The following DPYSL4 variants were observed in gnomAD, a reference collection of about 807,000 sequenced individuals.
The protein encoded by DPYSL4 is dihydropyrimidinase like 4.
A neutral mutation model predicts 63.4 loss-of-function variants in DPYSL4; 43 were observed. That is an observed-to-expected ratio of 0.68 (90% CI 0.53 to 0.88). DPYSL4 has a LOEUF of 0.88. DPYSL4 is among the 40% of genes least tolerant of loss of function. DPYSL4 has a pLI of 0.00. For missense variants in DPYSL4, 733 were observed against 819.5 expected (o/e 0.89, Z 1.29); for synonymous variants, 353 against 331.7 (o/e 1.06, Z -0.70).
intron 10 of DPYSL4, 140 bp from the exon 11 acceptor site, chr10:132,201,806 G>A: frequency 1.1e-6 from 1 of 903,150 alleles, no homozygotes; most frequent in Non-Finnish European, 1.6e-6. Context: ...GGGGGGCCTG[G>A]TGGTCCAGCG....
Position 132,197,991 on chromosome 10 carries a change from G to T in DPYSL4, c.622-424G>T, listed in dbSNP as rs542797596. ...GTACCATGTCTTCCCTGACACGAGC[G>T]GATGCCGTAGTGCAAATCTGCACGG... is the stretch of plus-strand genomic sequence containing the variant. On this transcript the variant is annotated intron_variant, in intron 6 of 13. Transcript: ENST00000338492. Among the ~76,000 whole-genome samples the T allele has an allele frequency of 1.7e-4, 26 of 152,342 alleles. No homozygotes were observed. In the South Asian group the frequency reaches 4.8e-3, roughly 28 times the overall value.
At chr10:132,198,336 C>T (rs1460837506) in intron 6 of DPYSL4, 79 bp from the exon 7 acceptor site, 1 of 1,422,774 alleles carries the variant, frequency 7.0e-7, no homozygotes. Flanking sequence ...GGGAATGGGG[C>T]CTCCCAGCCT....
chr10:132,203,599 C>T, intron 12 of DPYSL4, 163 bp from the exon 13 acceptor site: 2 of 640,826 alleles, frequency 3.1e-6, no homozygotes, highest in South Asian at 4.1e-5. Flanking sequence ...GGTTGAGCAC[C>T]CCCCCAGGGC....
At position 132,196,338 on chromosome 10, in the gene DPYSL4, G is replaced by A. The variant is rs373983446; in HGVS notation, c.479-523G>A. On this transcript the variant is annotated intron_variant, in intron 4 of 13. Transcript: ENST00000338492. ...GAGGCAGCCCCTCATCCTTCTGCTC[G>A]TCCTAAGGGCCCAGCCCTGAGATCT... Among the ~76,000 whole-genome samples, 14 of 152,320 alleles carry A rather than the reference G, an allele frequency of 9.2e-5. 1 individual carries two copies. In the East Asian group the frequency reaches 1.4e-3, roughly 15 times the overall value.
intron 13 of DPYSL4, among the ~76,000 whole-genome samples, chr10:132,204,513 C>T (rs2062067749): frequency 6.6e-6 from 1 of 152,138 alleles, no homozygotes; most frequent in South Asian, 2.1e-4. Flanking sequence ...GTCTGGGAGG[C>T]CAGGGGCAGC....
chr10:132,198,233 C>T (rs1185310687), intron 6 of DPYSL4, among the ~76,000 whole-genome samples, 182 bp from the exon 7 acceptor site: 3 of 152,132 alleles, frequency 2.0e-5, no homozygotes, highest in African/African-American at 7.2e-5. Flanking sequence ...ACTCAGGGAG[C>T]AGGAATCACA....
At chr10:132,194,661 G>A (rs1038615437) in intron 3 of DPYSL4, among the ~76,000 whole-genome samples, 184 bp from the exon 4 acceptor site, 3 of 152,210 alleles carry the variant, frequency 2.0e-5, no homozygotes, top group Admixed American at 6.5e-5. Flanking sequence ...GTTCCTCTTT[G>A]AACAAAGCAA....
intron 1 of DPYSL4, among the ~76,000 whole-genome samples, chr10:132,189,199 G>A (rs542419935): frequency 3.2e-4 from 49 of 152,368 alleles, no homozygotes; most frequent in African/African-American, 1.1e-3. Context: ...AATGCAGACG[G>A]TCAGTCCTGC....
chr10:132,197,190 G>A, intron 6 of DPYSL4, 89 bp downstream of exon 6: 2 of 1,157,990 alleles, frequency 1.7e-6, no homozygotes, highest in Non-Finnish European at 2.4e-6. Flanking sequence ...GTCTGAGGGT[G>A]ACTTTCATGA....
At chr10:132,201,565 A>T (rs557035118) in intron 10 of DPYSL4, among the ~76,000 whole-genome samples, 2 of 152,350 alleles carry the variant, frequency 1.3e-5, no homozygotes, top group South Asian at 2.1e-4. Context: ...CATCACTGAG[A>T]TGGGCTCCCT....
intron 3 of DPYSL4, 32 bp from the exon 4 acceptor site, chr10:132,194,813 G>T (rs773880177): frequency 6.2e-7 from 1 of 1,603,590 alleles, no homozygotes; most frequent in South Asian, 1.1e-5. Flanking sequence ...AGGGACCAGT[G>T]GGGGAAGCTG....
chr10:132,193,586 C>T (rs557779065), intron 3 of DPYSL4, among the ~76,000 whole-genome samples: 1 of 152,250 alleles, frequency 6.6e-6, no homozygotes, highest in African/African-American at 2.4e-5. Context: ...ATTCACTCTG[C>T]GGCGTCCGTC....
At position 132,196,938 on chromosome 10, in the gene DPYSL4, G is replaced by C; in HGVS notation, c.540+16G>C. 1 of 1,613,680 alleles carries C rather than the reference G, an allele frequency of 6.2e-7. No individual in the cohort carries two copies. Among genetic ancestry groups the C allele is most frequent in the Non-Finnish European group, 8.5e-7 (1 of 1,179,968 alleles). On this transcript the variant is annotated intron_variant, in intron 5 of 13. Transcript: ENST00000338492. ...CGACAGCCAGGTAAGGGCAGGCGTG[G>C]GGAACGGAGTGGGCAGGTATATCCC...
In DPYSL4 at chr10:132,205,064, T is replaced by A; in HGVS notation, c.*134T>A. 1 of 622,376 alleles carries A rather than the reference T, an allele frequency of 1.6e-6. No individual in the cohort carries two copies. The highest frequency in any genetic ancestry group is 2.6e-6 in the Non-Finnish European group (1 of 384,290). The allele number at this position is 622,376 out of a possible 1,614,324, so 38.6% of individuals were successfully genotyped here. A position where few individuals can be genotyped will look rare whatever the true frequency, so the allele number is the denominator to read the frequency against. On this transcript the variant is annotated 3_prime_UTR_variant, in exon 14 of 14. Transcript: ENST00000338492. Reference sequence around the variant, plus strand: ...GTGCTTGGCGGTCTTGCCTTCCCCCTCCCCACAGGCTCTCCTTGTGGGGTC... The same window carrying A: ...GTGCTTGGCGGTCTTGCCTTCCCCCACCCCACAGGCTCTCCTTGTGGGGTC...
chr10:132,203,475 CTG>C, intron 12 of DPYSL4: 1 of 470,218 alleles, frequency 2.1e-6, no homozygotes, highest in Non-Finnish European at 3.8e-6. Context: ...GCATGTGCAC[CTG>C]TGTTGGTAAG....
intron 3 of DPYSL4, among the ~76,000 whole-genome samples, chr10:132,193,408 C>T (rs2061902222): frequency 6.6e-6 from 1 of 152,264 alleles, no homozygotes; most frequent in African/African-American, 2.4e-5. Flanking sequence ...GGCTCACATG[C>T]TCTCCTCCTA....
chr10:132,191,430 C>G (rs1415321361), intron 2 of DPYSL4, among the ~76,000 whole-genome samples: 1 of 121,296 alleles, frequency 8.2e-6, no homozygotes, highest in East Asian at 4.0e-4. Flanking sequence ...CGTGTGTACA[C>G]GCTGGTCATG....
At chr10:132,194,330 G>A (rs1379079052) in intron 3 of DPYSL4, among the ~76,000 whole-genome samples, 1 of 152,250 alleles carries the variant, frequency 6.6e-6, no homozygotes, top group African/African-American at 2.4e-5. Flanking sequence ...TGTGGTTGGT[G>A]GGGCAGCAGC....
intron 12 of DPYSL4, 145 bp from the exon 13 acceptor site, chr10:132,203,617 A>C: frequency 1.3e-6 from 1 of 765,132 alleles, no homozygotes; most frequent in Non-Finnish European, 2.0e-6. Context: ...GGCAGCCCCA[A>C]ATTCCTGAAG....
Sources: allele counts gnomAD v4.1 joint callset (sites outside exome capture counted in the v4.1 genomes callset), GRCh38; gene constraint gnomAD v4.1.1; transcripts MANE v1.5; gene names NCBI Gene and HGNC (gene_info 2026-07-23, HGNC 2026-07-21).